Variants in SGCD observed in about 807,000 individuals in gnomAD.
SGCD encodes the protein sarcoglycan delta, also known as delta-sarcoglycan.
Under a neutral mutation model 36.6 loss-of-function variants are expected in SGCD, and 18 were observed. The ratio of observed to expected loss-of-function variants is 0.49; its 90% confidence interval spans 0.34 to 0.73. SGCD has a LOEUF of 0.73. SGCD is among the 30% of genes least tolerant of loss of function. SGCD has a pLI of 0.01. For synonymous variants in SGCD, 133 were observed against 130.6 expected (o/e 1.02, Z -0.12); for missense variants, 387 against 346.7 (o/e 1.12, Z -0.92).
rs144072003 is a variant in SGCD at position 156,339,054 on chromosome 5, C to T, written c.4-5435C>T. On this transcript the variant is annotated intron_variant, in intron 2 of 8. Coordinates refer to ENST00000337851, the MANE Select transcript of SGCD (RefSeq NM_000337.6). ...TGAGGTTACAGCTCTCCAAAACATG[C>T]TTTAGTAATATGACCATTCAGAATG... is the stretch of plus-strand genomic sequence containing the variant. 2.2e-3 allele frequency among the ~76,000 whole-genome samples: 331 copies of T among 152,298 alleles called. 3 individuals are homozygous for T. The highest frequency in any genetic ancestry group is 7.5e-3 in the African/African-American group (311 of 41,552).
intron 3 of SGCD, among the ~76,000 whole-genome samples, chr5:156,351,764 G>T (rs543379271): frequency 6.6e-5 from 10 of 152,086 alleles, no homozygotes; most frequent in African/African-American, 1.9e-4. Flanking sequence ...TACAAGGGAG[G>T]GAGTGGCTCA....
At chr5:156,433,240 T>C (rs1303874227) in intron 3 of SGCD, among the ~76,000 whole-genome samples, 3 of 152,240 alleles carry the variant, frequency 2.0e-5, no homozygotes, top group African/African-American at 7.2e-5. Flanking sequence ...GCTGTCATCA[T>C]TACAGACCCT....
intron 3 of SGCD, among the ~76,000 whole-genome samples, chr5:156,282,978 C>T (rs1271275106): frequency 6.6e-6 from 1 of 152,078 alleles, no homozygotes; most frequent in African/African-American, 2.4e-5. Context: ...AAATTCTTAG[C>T]TGTGTTTACT....
intron 7 of SGCD, among the ~76,000 whole-genome samples, chr5:156,669,524 T>G (rs921804022): frequency 1.3e-5 from 2 of 152,202 alleles, no homozygotes; most frequent in African/African-American, 4.8e-5. Flanking sequence ...ATAAGCAGTT[T>G]GAAAGAAAAA....
intron 2 of SGCD, among the ~76,000 whole-genome samples, chr5:156,342,504 T>C (rs1469300999): frequency 1.3e-5 from 2 of 152,378 alleles, no homozygotes; most frequent in South Asian, 2.1e-4. Flanking sequence ...TTTCATAGAA[T>C]ATGATCTGAT....
chr5:156,315,644 A>G (rs1233343692), intron 3 of SGCD, among the ~76,000 whole-genome samples: 2 of 151,914 alleles, frequency 1.3e-5, no homozygotes, highest in Non-Finnish European at 2.9e-5. Context: ...GCTGTTTTTA[A>G]TAATGATCAT....
chr5:156,132,943 C>T (rs1020798405), intron 3 of SGCD, among the ~76,000 whole-genome samples: 1 of 152,174 alleles, frequency 6.6e-6, no homozygotes, highest in Non-Finnish European at 1.5e-5. Flanking sequence ...AAGAATCTGG[C>T]TGGATAATTT....
intron 1 of SGCD, among the ~76,000 whole-genome samples, chr5:156,050,372 A>G (rs1263876843): frequency 1.4e-5 from 2 of 146,702 alleles, no homozygotes; most frequent in African/African-American, 2.5e-5. Context: ...CTAATAAAGT[A>G]TTCTTTAAAT....
chr5:155,740,737 C>T, the SGCD span, among the ~76,000 whole-genome samples: 1 of 152,192 alleles, frequency 6.6e-6, no homozygotes, highest in African/African-American at 2.4e-5. Flanking sequence ...GTAAAAAATA[C>T]ATCACTGGTT....
chr5:156,421,271 G>A (rs187045219), intron 3 of SGCD, among the ~76,000 whole-genome samples: 69 of 152,134 alleles, frequency 4.5e-4, no homozygotes, highest in Middle Eastern at 6.8e-3. Flanking sequence ...ATTACACAGT[G>A]CATTCAAGGA....
chr5:155,898,513 C>T (rs1756318345), intron 1 of SGCD, among the ~76,000 whole-genome samples: 1 of 152,190 alleles, frequency 6.6e-6, no homozygotes, highest in South Asian at 2.1e-4. Flanking sequence ...TAGAAGAATG[C>T]TTTGGGAGCC....
chr5:156,576,709 T>G (rs1448401066), intron 4 of SGCD, among the ~76,000 whole-genome samples: 1 of 152,244 alleles, frequency 6.6e-6, no homozygotes, highest in Non-Finnish European at 1.5e-5. Context: ...GTCTGTTGGC[T>G]GCATAAATGT....
chr5:156,583,226 A>AC, intron 4 of SGCD, among the ~76,000 whole-genome samples: 1 of 152,278 alleles, frequency 6.6e-6, no homozygotes, highest in East Asian at 1.9e-4. Context: ...GGCATTTCAC[A>AC]CTTAACATTT....
At chr5:156,572,080 C>T (rs566973699) in intron 4 of SGCD, among the ~76,000 whole-genome samples, 2 of 152,308 alleles carry the variant, frequency 1.3e-5, no homozygotes, top group East Asian at 3.9e-4. Flanking sequence ...ATGTATCATA[C>T]CTCATTTTTG....
intron 3 of SGCD, among the ~76,000 whole-genome samples, chr5:156,453,187 A>C (rs1220505167): frequency 6.6e-6 from 1 of 152,190 alleles, no homozygotes; most frequent in Non-Finnish European, 1.5e-5. Flanking sequence ...AAAGGGAAAA[A>C]TATTAGAGGA....
chr5:155,924,743 T>C (rs938485947), intron 1 of SGCD, among the ~76,000 whole-genome samples: 2 of 152,238 alleles, frequency 1.3e-5, no homozygotes, highest in African/African-American at 2.4e-5. Context: ...CTCCAGATTT[T>C]ATTTTAGGGC....
At chr5:156,116,468 G>A (rs1432931564) in intron 1 of SGCD, among the ~76,000 whole-genome samples, 1 of 152,010 alleles carries the variant, frequency 6.6e-6, no homozygotes, top group African/African-American at 2.4e-5. Context: ...TCCAGAAAAT[G>A]TTTATATGTT....
chr5:155,872,116 A>G, intron 1 of SGCD, among the ~76,000 whole-genome samples: 1 of 152,152 alleles, frequency 6.6e-6, no homozygotes, highest in Non-Finnish European at 1.5e-5. Context: ...CCCAGCACCA[A>G]CAGCTTTGTG....
At chr5:156,446,902 A>G (rs1195441783) in intron 3 of SGCD, among the ~76,000 whole-genome samples, 1 of 152,176 alleles carries the variant, frequency 6.6e-6, no homozygotes, top group African/African-American at 2.4e-5. Context: ...AGTTGAGAAA[A>G]CTGAGGCTCG....
Sources: gnomAD v4.1 joint callset for allele counts (sites outside exome capture counted in the v4.1 genomes callset) on GRCh38, gnomAD v4.1.1 for gene constraint, MANE v1.5 for transcripts, NCBI Gene and HGNC (gene_info 2026-07-23, HGNC 2026-07-21) for gene names.